The following MARCHF1 variants were observed in gnomAD, a reference collection of about 807,000 sequenced individuals.
MARCHF1 encodes E3 ubiquitin-protein ligase MARCHF1.
Under a neutral mutation model 54.2 loss-of-function variants are expected in MARCHF1, and 40 were observed. The observed-to-expected ratio is 0.74, with a 90% CI of 0.57 to 0.96. The LOEUF is 0.96. Ranked by LOEUF, MARCHF1 falls within the 40% of genes least tolerant of loss-of-function variation. The pLI is 0.00. For missense variants in MARCHF1, 586 were observed against 656.5 expected (o/e 0.89, Z 1.17); for synonymous variants, 236 against 236.3 (o/e 1.00, Z 0.01).
chr4:163,696,679 T>C (rs1396155411), intron 5 of MARCHF1, among the ~76,000 whole-genome samples: 5 of 152,200 alleles, frequency 3.3e-5, no homozygotes, highest in South Asian at 2.1e-4. Context: ...TTCTTCCTTA[T>C]GATCTATGTT....
chr4:163,673,000 C>T (rs922837284), intron 5 of MARCHF1, among the ~76,000 whole-genome samples: 18 of 152,252 alleles, frequency 1.2e-4, no homozygotes, highest in African/African-American at 4.3e-4. Flanking sequence ...TCCCCTTAAT[C>T]CAGGACAATC....
intron 1 of MARCHF1, among the ~76,000 whole-genome samples, chr4:164,322,733 GACA>G (rs1472267203): frequency 6.6e-6 from 1 of 151,694 alleles, no homozygotes; most frequent in African/African-American, 2.4e-5. Flanking sequence ...AAATAAAAAA[GACA>G]ACACAAAAGG....
intron 3 of MARCHF1, among the ~76,000 whole-genome samples, chr4:163,872,524 G>A (rs960322657): frequency 7.2e-5 from 11 of 152,278 alleles, no homozygotes; most frequent in Admixed American, 2.6e-4. Flanking sequence ...TGTTTTGGAA[G>A]AGATTATTTT....
Position 164,140,117 on chromosome 4 carries a change from C to T in MARCHF1, c.-322-28455G>A, listed in dbSNP as rs184989448. Among the ~76,000 whole-genome samples, 761 of 151,626 alleles carry T rather than the reference C, an allele frequency of 5.0e-3. 12 individuals are homozygous for T. Among genetic ancestry groups the T allele is most frequent in the African/African-American group, 0.018 (726 of 41,332 alleles). Reference sequence around the variant, plus strand: ...TAGCACCAATATTTCTCTCTATATACGAGGTAAAACATACCCTTAGATATT... The same window carrying T: ...TAGCACCAATATTTCTCTCTATATATGAGGTAAAACATACCCTTAGATATT... On this transcript the variant is annotated intron_variant, in intron 1 of 9. Coordinates refer to ENST00000514618, the MANE Select transcript of MARCHF1 (RefSeq NM_001394959.1).
At chr4:164,120,904 A>T (rs559975112) in intron 1 of MARCHF1, among the ~76,000 whole-genome samples, 1 of 152,144 alleles carries the variant, frequency 6.6e-6, no homozygotes, top group South Asian at 2.1e-4. Context: ...AAATAATCTA[A>T]TGATGCATTT....
chr4:164,332,028 A>G (rs554546956), intron 1 of MARCHF1, among the ~76,000 whole-genome samples: 1 of 152,104 alleles, frequency 6.6e-6, no homozygotes, highest in Admixed American at 6.5e-5. Flanking sequence ...TCTTACCTCT[A>G]TCTTTCTTTC....
At chr4:164,076,541 G>T (rs191781525) in intron 2 of MARCHF1, among the ~76,000 whole-genome samples, 2 of 152,248 alleles carry the variant, frequency 1.3e-5, no homozygotes, top group East Asian at 3.9e-4. Context: ...TGTGGCCAGG[G>T]CAATCAGGCA....
chr4:163,717,475 A>G (rs78980336), intron 4 of MARCHF1, among the ~76,000 whole-genome samples: 55,771 of 151,436 alleles, frequency 0.37, 11,053 homozygotes, highest in Admixed American at 0.44. Flanking sequence ...GTGTGTCTTT[A>G]TAGCAGCATG....
chr4:163,618,420 G>A (rs1250332917), intron 5 of MARCHF1, among the ~76,000 whole-genome samples: 1 of 152,148 alleles, frequency 6.6e-6, no homozygotes, highest in Non-Finnish European at 1.5e-5. Context: ...CTCTTCAGAG[G>A]GGCGGTTCTG....
intron 1 of MARCHF1, among the ~76,000 whole-genome samples, chr4:164,175,379 A>G (rs1160559220): frequency 2.0e-5 from 3 of 152,154 alleles, no homozygotes; most frequent in Non-Finnish European, 4.4e-5. Context: ...ATTTGTTCTA[A>G]TGGTAAAATT....
At chr4:164,229,765 T>A (rs558784059) in intron 1 of MARCHF1, among the ~76,000 whole-genome samples, 2 of 151,890 alleles carry the variant, frequency 1.3e-5, no homozygotes, top group East Asian at 1.9e-4. Context: ...ATGGCCCGAG[T>A]AAGAGCAAGA....
chr4:164,136,010 T>C (rs187793716), intron 1 of MARCHF1, among the ~76,000 whole-genome samples: 110 of 152,042 alleles, frequency 7.2e-4, no homozygotes, highest in Middle Eastern at 3.4e-3. Flanking sequence ...GATTTCTAGG[T>C]AGAAAAATGA....
At chr4:164,231,665 G>A (rs1201527779) in intron 1 of MARCHF1, among the ~76,000 whole-genome samples, 4 of 152,062 alleles carry the variant, frequency 2.6e-5, no homozygotes, top group Non-Finnish European at 4.4e-5. Context: ...CAAAACTCAT[G>A]GCTTTAGAAC....
chr4:163,947,170 T>C lies in MARCHF1; in HGVS notation c.-39+41331A>G, dbSNP rs73868962. ...GCAAATTTCAATTTGAATTCACTTA[T>C]AGGAAGGCTTTTCACTTTATATGAT... On this transcript the variant is annotated intron_variant, in intron 3 of 9. Transcript: ENST00000514618. Among the ~76,000 whole-genome samples, 706 of 152,330 alleles carry C rather than the reference T, an allele frequency of 4.6e-3. 3 individuals carry two copies. Among genetic ancestry groups the C allele is most frequent in the African/African-American group, 0.016 (673 of 41,570 alleles).
intron 4 of MARCHF1, among the ~76,000 whole-genome samples, chr4:163,820,156 C>A (rs1246513752): frequency 6.6e-6 from 1 of 152,046 alleles, no homozygotes. Flanking sequence ...TCCCAATAGT[C>A]CACTGAAATA....
chr4:163,914,316 T>C (rs1343088195), intron 3 of MARCHF1, among the ~76,000 whole-genome samples: 2 of 152,148 alleles, frequency 1.3e-5, no homozygotes, highest in Non-Finnish European at 2.9e-5. Context: ...TAATATACAT[T>C]ATTTAGAAAA....
At chr4:163,775,990 G>T (rs1029021392) in intron 4 of MARCHF1, among the ~76,000 whole-genome samples, 1 of 152,088 alleles carries the variant, frequency 6.6e-6, no homozygotes, top group East Asian at 1.9e-4. Context: ...GGTGGCAAGG[G>T]TGCAGCTTTA....
At chr4:164,049,304 G>A (rs182373502) in intron 2 of MARCHF1, among the ~76,000 whole-genome samples, 95 of 152,252 alleles carry the variant, frequency 6.2e-4, no homozygotes, top group African/African-American at 1.9e-3. Flanking sequence ...AACCACCCCC[G>A]TGATTCAATC....
intron 4 of MARCHF1, among the ~76,000 whole-genome samples, chr4:163,717,693 C>A (rs920864034): frequency 2.6e-5 from 4 of 152,208 alleles, no homozygotes; most frequent in African/African-American, 9.6e-5. Flanking sequence ...GCCATTCTAA[C>A]TGGTGTGAGA....
Sources: allele counts gnomAD v4.1 joint callset (sites outside exome capture counted in the v4.1 genomes callset), GRCh38; gene constraint gnomAD v4.1.1; transcripts MANE v1.5; gene names NCBI Gene and HGNC (gene_info 2026-07-23, HGNC 2026-07-21).